The following EIF4ENIF1 variants were observed in gnomAD, a reference collection of about 807,000 sequenced individuals.
EIF4ENIF1 encodes the protein eukaryotic translation initiation factor 4E nuclear import factor 1.
EIF4ENIF1 carries 23 observed loss-of-function variants against 110.5 expected under a neutral mutation model. That is an observed-to-expected ratio of 0.21 (90% confidence interval 0.15 to 0.29). The LOEUF is 0.29. Among genes scored for constraint, EIF4ENIF1 ranks in the 10% least tolerant of loss-of-function variants. The probability of loss-of-function intolerance (pLI) is 1.00; values close to 1 mark genes in which losing one functional copy is unlikely to be tolerated. For synonymous variants in EIF4ENIF1, 440 were observed against 437.0 expected (o/e 1.01, Z -0.09); for missense variants, 1,031 against 1,221.1 (o/e 0.84, Z 2.32).
Position 31,450,492 on chromosome 22 carries a change from C to T in EIF4ENIF1, c.1513-132G>A, listed in dbSNP as rs1211369237. On this transcript the variant is annotated intron_variant, in intron 10 of 18. Coordinates refer to ENST00000330125, the MANE Select transcript of EIF4ENIF1 (RefSeq NM_019843.4). ...AGAATGATACTCAAGTCACAGAAAACTTAGACCAACGTGTTCCGCTCTCAT... is the reference window on the plus strand; with the variant it reads ...AGAATGATACTCAAGTCACAGAAAATTTAGACCAACGTGTTCCGCTCTCAT... The T allele has an allele frequency of 7.8e-6, 5 of 643,182 alleles. No homozygotes were observed. In the East Asian group the frequency reaches 1.5e-4, roughly 20 times the overall value. 39.8% of individuals were successfully genotyped at this position (643,182 alleles called of 1,614,324 possible). A position where few individuals can be genotyped will look rare whatever the true frequency, so the allele number is the denominator to read the frequency against.
chr22:31,466,990 C>T (rs546704131), intron 4 of EIF4ENIF1, among the ~76,000 whole-genome samples: 1 of 152,156 alleles, frequency 6.6e-6, no homozygotes, highest in Non-Finnish European at 1.5e-5. Context: ...TTTTTCCAAA[C>T]ACAGGATACA....
intron 2 of EIF4ENIF1, among the ~76,000 whole-genome samples, chr22:31,475,901 T>C (rs1252801298): frequency 6.6e-6 from 1 of 150,408 alleles, no homozygotes; most frequent in Non-Finnish European, 1.5e-5. Flanking sequence ...TCCAGAGAAA[T>C]CTTCAGGGCA....
At chr22:31,487,793 CAAAAAAAAAAAAA>C (rs35367724) in intron 2 of EIF4ENIF1, among the ~76,000 whole-genome samples, 2 of 69,012 alleles carry the variant, frequency 2.9e-5, no homozygotes, top group Non-Finnish European at 6.0e-5. Flanking sequence ...CTGTCGGGTG[CAAAAAAAAAAAAA>C]AAAAAAAGAA....
intron 9 of EIF4ENIF1, 54 bp from the exon 10 acceptor site, chr22:31,454,430 A>G (rs1349064091): frequency 1.4e-6 from 2 of 1,460,780 alleles, no homozygotes; most frequent in African/African-American, 2.8e-5. Context: ...TCTGGTAGGA[A>G]TTCTCTTTGG....
At chr22:31,483,255 A>G (rs5753647) in intron 2 of EIF4ENIF1, among the ~76,000 whole-genome samples, 11,571 of 128,188 alleles carry the variant, frequency 0.09, 806 homozygotes, top group East Asian at 0.39. Context: ...TTTTTGTTGC[A>G]CAGGCTGTAG....
Position 31,454,335 on chromosome 22 carries a change from C to T in EIF4ENIF1, c.1321G>A (p.Gly441Ser), listed in dbSNP as rs997107349. ...TGGTCAACCTTCAAGCCCTTCAGAC[C>T]TGCTTCTACCTCCTCCACTGAAAGC... ...VVLSVEEVEA[G>S]LKGLKVDQQV... Residue 441 changes from glycine to serine, a missense_variant, in exon 10 of 19, where the codon GGT (glycine) becomes AGT (serine). Gly to Ser is a moderately conservative substitution (Grantham distance 56). Transcript: ENST00000330125. 6 of 1,614,202 alleles carry T rather than the reference C, an allele frequency of 3.7e-6. No individual in the cohort carries two copies. The East Asian group carries it at 1.1e-4, about 30-fold the overall frequency.
chr22:31,467,139 T>C (rs5753633), intron 4 of EIF4ENIF1, among the ~76,000 whole-genome samples: 11,001 of 152,272 alleles, frequency 0.072, 683 homozygotes, highest in East Asian at 0.33. Context: ...CCATTTCTAC[T>C]GTTGGATATT....
chr22:31,483,341 A>G (rs1411940892), intron 2 of EIF4ENIF1, among the ~76,000 whole-genome samples: 1 of 150,982 alleles, frequency 6.6e-6, no homozygotes, highest in Non-Finnish European at 1.5e-5. Context: ...CTGAGACTAC[A>G]GGCAATACGC....
intron 2 of EIF4ENIF1, 152 bp downstream of exon 2, chr22:31,488,471 G>T: frequency 1.6e-6 from 2 of 1,236,640 alleles, no homozygotes; most frequent in Non-Finnish European, 2.3e-6. Flanking sequence ...GCAGAAAAAT[G>T]TTCAAAGTAA....
At chr22:31,465,705 G>A (rs1188461749) in intron 4 of EIF4ENIF1, among the ~76,000 whole-genome samples, 2 of 152,184 alleles carry the variant, frequency 1.3e-5, no homozygotes, top group East Asian at 1.9e-4. Context: ...CTTATGTCCA[G>A]AGACTTGTAC....
chr22:31,476,779 T>A (rs947244396), intron 2 of EIF4ENIF1, among the ~76,000 whole-genome samples: 2 of 151,568 alleles, frequency 1.3e-5, no homozygotes, highest in African/African-American at 4.8e-5. Flanking sequence ...GAGGTTGCAG[T>A]GAGCTAAGAT....
chr22:31,477,383 ACAAAAAAAG>A (rs2051625111), intron 2 of EIF4ENIF1, among the ~76,000 whole-genome samples: 4 of 71,636 alleles, frequency 5.6e-5, no homozygotes, highest in African/African-American at 1.7e-4. Flanking sequence ...AACAAAAAAA[ACAAAAAAAG>A]AGAATTTGAA....
chr22:31,456,501 GC>G (rs2050834208), intron 7 of EIF4ENIF1, among the ~76,000 whole-genome samples: 3 of 151,530 alleles, frequency 2.0e-5, no homozygotes, highest in Admixed American at 6.6e-5. Context: ...GGGATTACAA[GC>G]ATGAGCCACC....
chr22:31,477,061 C>T lies in EIF4ENIF1; in HGVS notation c.97-5144G>A, dbSNP rs565304538. ...TTGGTTGAGCCCAGGAGATCCAGGC[C>T]GCAATGAGCTGTAATTGTACCACCG... On this transcript the variant is annotated intron_variant, in intron 2 of 18. Transcript: ENST00000330125. 3.2e-4 allele frequency among the ~76,000 whole-genome samples: 49 copies of T among 150,808 alleles called. No homozygotes were observed. In the Middle Eastern group the frequency reaches 0.021, roughly 63 times the overall value.
At chr22:31,460,841 G>C (rs1486758381) in intron 6 of EIF4ENIF1, among the ~76,000 whole-genome samples, 2 of 151,992 alleles carry the variant, frequency 1.3e-5, no homozygotes, top group African/African-American at 4.8e-5. Flanking sequence ...AGCTACTCGG[G>C]AGGCTGAGGC....
chr22:31,446,285 CAAAAA>C (rs3068275), intron 14 of EIF4ENIF1, among the ~76,000 whole-genome samples: 1 of 105,694 alleles, frequency 9.5e-6, no homozygotes, highest in Non-Finnish European at 1.8e-5. Context: ...AGATTGTCTC[CAAAAA>C]AAAAAAAAAG....
At chr22:31,440,999 T>A in intron 17 of EIF4ENIF1, 131 bp from the exon 18 acceptor site, 1 of 1,255,872 alleles carries the variant, frequency 8.0e-7, no homozygotes, top group Non-Finnish European at 1.1e-6. Context: ...CTCACGCCTG[T>A]AATCCCCAGC....
intron 2 of EIF4ENIF1, among the ~76,000 whole-genome samples, chr22:31,478,343 T>A (rs1170549541): frequency 6.8e-6 from 1 of 146,268 alleles, no homozygotes; most frequent in Non-Finnish European, 1.5e-5. Context: ...TGAAACCACG[T>A]CTCTACTAAA....
At chr22:31,488,126 CCTTA>C (rs2052114919) in intron 2 of EIF4ENIF1, among the ~76,000 whole-genome samples, 1 of 152,082 alleles carries the variant, frequency 6.6e-6, no homozygotes, top group Non-Finnish European at 1.5e-5. Flanking sequence ...ATGACTGAAG[CCTTA>C]CTTTTTTGAG....
Sources: allele counts gnomAD v4.1 joint callset (sites outside exome capture counted in the v4.1 genomes callset), GRCh38; gene constraint gnomAD v4.1.1; transcripts MANE v1.5; gene names NCBI Gene and HGNC (gene_info 2026-07-23, HGNC 2026-07-21).